The following NBEA variants were observed in gnomAD, a reference collection of about 807,000 sequenced individuals.
The protein encoded by NBEA is neurobeachin.
NBEA carries 44 observed loss-of-function variants against 343.4 expected under a neutral mutation model. The ratio of observed to expected loss-of-function variants is 0.13; its 90% CI spans 0.10 to 0.16. The LOEUF (loss-of-function observed/expected upper bound fraction) is 0.16, where lower values mean the gene tolerates loss of function less well. Among genes scored for constraint, NBEA ranks in the 10% least tolerant of loss-of-function variants. NBEA has a pLI of 1.00. For missense variants in NBEA, 2,555 were observed against 3,631.3 expected, an observed-to-expected ratio of 0.70 and a Z score of 7.62; for synonymous variants, 1,175 against 1,238.7, an observed-to-expected ratio of 0.95 and a Z score of 1.08.
chr13:35,090,149 T>C (rs893428114), intron 10 of NBEA, among the ~76,000 whole-genome samples: 1 of 151,892 alleles, frequency 6.6e-6, no homozygotes, highest in Non-Finnish European at 1.5e-5. Context: ...CATGAGACCT[T>C]AGTGGCTTTA....
intron 54 of NBEA, 87 bp from the exon 55 acceptor site, chr13:35,655,492 A>T: frequency 3.7e-6 from 5 of 1,357,280 alleles, no homozygotes; most frequent in Admixed American, 2.4e-5. Context: ...ATATGGTAAA[A>T]TTTTTTAAAA....
At chr13:35,379,945 A>C (rs2041927630) in intron 38 of NBEA, among the ~76,000 whole-genome samples, 1 of 152,134 alleles carries the variant, frequency 6.6e-6, no homozygotes, top group Admixed American at 6.6e-5. Flanking sequence ...TGACTTGGCT[A>C]TTCTTGGCCT....
intron 34 of NBEA, among the ~76,000 whole-genome samples, chr13:35,233,913 C>T (rs1460332063): frequency 2.0e-5 from 3 of 152,002 alleles, no homozygotes; most frequent in Admixed American, 1.3e-4. Flanking sequence ...TTTAAATAGG[C>T]CTCATGGTAA....
chr13:35,187,345 C>A (rs2152734721), intron 30 of NBEA, among the ~76,000 whole-genome samples: 1 of 151,802 alleles, frequency 6.6e-6, no homozygotes, highest in East Asian at 1.9e-4. Flanking sequence ...TGAAGTATTG[C>A]CATAGTTTCT....
chr13:34,998,206 G>A (rs2061002561), intron 1 of NBEA, among the ~76,000 whole-genome samples: 1 of 152,106 alleles, frequency 6.6e-6, no homozygotes. Context: ...TTTCAAAAGG[G>A]GAGGGAGTGT....
chr13:35,212,377 C>T (rs912293331), intron 33 of NBEA, among the ~76,000 whole-genome samples: 1 of 151,936 alleles, frequency 6.6e-6, no homozygotes, highest in South Asian at 2.1e-4. Context: ...ATTTATGTGT[C>T]TATACCATAA....
chr13:35,279,619 C>T (rs187177990), intron 34 of NBEA, among the ~76,000 whole-genome samples: 2 of 152,112 alleles, frequency 1.3e-5, no homozygotes, highest in African/African-American at 4.8e-5. Context: ...AGAAAGTATA[C>T]AGACAGAGTT....
chr13:35,040,860 T>C, intron 1 of NBEA, 73 bp from the exon 2 acceptor site: 1 of 1,263,850 alleles, frequency 7.9e-7, no homozygotes, highest in South Asian at 1.3e-5. Flanking sequence ...TTTGAATTCT[T>C]GTTATTATTT....
At chr13:35,465,765 T>A (rs1012230268) in intron 40 of NBEA, among the ~76,000 whole-genome samples, 11 of 152,154 alleles carry the variant, frequency 7.2e-5, no homozygotes, top group African/African-American at 2.7e-4. Flanking sequence ...ATAGTATATA[T>A]GCTTTGTAAG....
At chr13:35,627,448 T>A (rs1021793851) in intron 48 of NBEA, among the ~76,000 whole-genome samples, 1 of 152,190 alleles carries the variant, frequency 6.6e-6, no homozygotes, top group Admixed American at 6.5e-5. Flanking sequence ...GCCTTTTTTT[T>A]TTCTTTTTTC....
intron 34 of NBEA, among the ~76,000 whole-genome samples, chr13:35,248,263 C>G (rs1240791112): frequency 6.6e-6 from 1 of 152,032 alleles, no homozygotes; most frequent in African/African-American, 2.4e-5. Context: ...ATACCATAAC[C>G]AAGTAAATTT....
intron 6 of NBEA, among the ~76,000 whole-genome samples, chr13:35,053,747 A>C (rs2063147311): frequency 6.6e-6 from 1 of 152,088 alleles, no homozygotes; most frequent in Admixed American, 6.6e-5. Context: ...ATAGTAGATA[A>C]AAACAAAATA....
intron 34 of NBEA, among the ~76,000 whole-genome samples, chr13:35,252,514 T>G (rs1001149691): frequency 1.3e-5 from 2 of 152,174 alleles, no homozygotes; most frequent in Non-Finnish European, 2.9e-5. Flanking sequence ...CACTGGCAAT[T>G]GTCATAACAA....
chr13:35,283,491 G>A (rs548422016), intron 34 of NBEA, among the ~76,000 whole-genome samples: 108 of 152,126 alleles, frequency 7.1e-4, no homozygotes, highest in African/African-American at 1.9e-3. Flanking sequence ...CTTTGAAATT[G>A]CAATTAAAAT....
At chr13:35,630,712 T>C (rs528091702) in intron 49 of NBEA, among the ~76,000 whole-genome samples, 1 of 152,230 alleles carries the variant, frequency 6.6e-6, no homozygotes, top group Non-Finnish European at 1.5e-5. Flanking sequence ...ACACGATACA[T>C]GTGAAGGAGC....
At chr13:35,629,548 C>G (rs2083367712) in intron 49 of NBEA, among the ~76,000 whole-genome samples, 1 of 152,024 alleles carries the variant, frequency 6.6e-6, no homozygotes, top group Non-Finnish European at 1.5e-5. Flanking sequence ...AATATTGTAC[C>G]ATATTGTGTG....
rs1406022564 is a variant in NBEA, at chr13:35,175,629, T to G, written c.4555-1367T>G. Among the ~76,000 whole-genome samples, 3 of 152,180 alleles carry G rather than the reference T, an allele frequency of 2.0e-5. No homozygotes were observed. In the East Asian group the frequency reaches 5.8e-4, roughly 29 times the overall value. On this transcript the variant is annotated intron_variant, in intron 27 of 58. Coordinates refer to ENST00000379939, the MANE Select transcript of NBEA (RefSeq NM_001385012.1). ...AATCAGTATTTATCTGGCAAGAACTTTGGCAGTGAAAAATGGGTAAGTAGC... is the reference window on the plus strand; with the variant it reads ...AATCAGTATTTATCTGGCAAGAACTGTGGCAGTGAAAAATGGGTAAGTAGC...
intron 41 of NBEA, among the ~76,000 whole-genome samples, chr13:35,477,543 G>T (rs1292003566): frequency 1.3e-5 from 2 of 152,262 alleles, no homozygotes; most frequent in Admixed American, 6.5e-5. Context: ...ATTTCATAGT[G>T]ACCTGTATTT....
chr13:35,435,027 T>G (rs2045346135), intron 39 of NBEA, among the ~76,000 whole-genome samples: 1 of 152,042 alleles, frequency 6.6e-6, no homozygotes, highest in Admixed American at 6.5e-5. Flanking sequence ...GTTTGTTTGT[T>G]TTTGTTTGTT....
Sources: allele counts gnomAD v4.1 joint callset (sites outside exome capture counted in the v4.1 genomes callset), GRCh38; gene constraint gnomAD v4.1.1; transcripts MANE v1.5; gene names NCBI Gene and HGNC (gene_info 2026-07-23, HGNC 2026-07-21).